ABCC4: variants seen among roughly 807,000 people sequenced by gnomAD.
The protein encoded by ABCC4 is ATP binding cassette subfamily C member 4 (PEL blood group).
In ABCC4, 102 loss-of-function variants were observed where a neutral mutation model predicts 168.5. The observed-to-expected ratio is 0.61, with a 90% confidence interval of 0.52 to 0.71. ABCC4 has a LOEUF of 0.71. ABCC4 is among the 30% of genes least tolerant of loss of function. The pLI, the probability that ABCC4 is intolerant of heterozygous loss-of-function variation, is 0.00. For synonymous variants in ABCC4, 617 were observed against 590.7 expected (o/e 1.04, Z -0.65); for missense variants, 1,402 against 1,605.8 (o/e 0.87, Z 2.17).
At chr13:95,162,512 T>C (rs2037131004) in intron 18 of ABCC4, among the ~76,000 whole-genome samples, 3 of 152,162 alleles carry the variant, frequency 2.0e-5, no homozygotes, top group Admixed American at 1.3e-4. Flanking sequence ...AATCACACAG[T>C]TGGGGACGCG....
Position 95,176,498 on chromosome 13 carries a change from A to T in ABCC4, c.1727+1209T>A, listed in dbSNP as rs189682111. 1.3e-4 allele frequency among the ~76,000 whole-genome samples: 20 copies of T among 152,228 alleles called. 1 individual carries two copies. The highest frequency in any genetic ancestry group is 1.2e-3 in the Admixed American group (18 of 15,292). Reference sequence around the variant, plus strand: ...CAACAGAGCGAGATCCTATCTAAAAAAAAAATAATAATAAAATAGATTGTC... The same window carrying T: ...CAACAGAGCGAGATCCTATCTAAAATAAAAATAATAATAAAATAGATTGTC... On this transcript the variant is annotated intron_variant, in intron 13 of 30. Coordinates refer to ENST00000645237, the MANE Select transcript of ABCC4 (RefSeq NM_005845.5).
At chr13:95,273,684 C>A (rs887138061) in intron 1 of ABCC4, among the ~76,000 whole-genome samples, 1 of 152,028 alleles carries the variant, frequency 6.6e-6, no homozygotes, top group Non-Finnish European at 1.5e-5. Context: ...CATCTTGTAG[C>A]TCCCACAGTT....
intron 27 of ABCC4, 133 bp downstream of exon 27, chr13:95,052,962 C>T: frequency 1.4e-6 from 1 of 718,368 alleles, no homozygotes; most frequent in South Asian, 1.8e-5. Flanking sequence ...TATCCACATC[C>T]TCAATGATCT....
intron 20 of ABCC4, among the ~76,000 whole-genome samples, chr13:95,091,448 T>A (rs2034431538): frequency 6.6e-6 from 1 of 152,218 alleles, no homozygotes. Flanking sequence ...AGCAGATTTC[T>A]CAGCAGAAAC....
chr13:95,251,091 A>G (rs1434325849), intron 1 of ABCC4, among the ~76,000 whole-genome samples: 1 of 152,124 alleles, frequency 6.6e-6, no homozygotes, highest in African/African-American at 2.4e-5. Context: ...CTTGGCCAAT[A>G]GTGGTTTCTT....
intron 8 of ABCC4, among the ~76,000 whole-genome samples, chr13:95,204,977 G>A (rs114041740): frequency 1.9e-3 from 288 of 152,176 alleles, no homozygotes; most frequent in African/African-American, 6.5e-3. Flanking sequence ...TGGCCCTTCC[G>A]TCTGAAAAAG....
intron 19 of ABCC4, among the ~76,000 whole-genome samples, chr13:95,159,010 G>A (rs1346951948): frequency 6.7e-6 from 1 of 149,206 alleles, no homozygotes; most frequent in African/African-American, 2.5e-5. Flanking sequence ...TTGAGCCCAG[G>A]AGGTCAAGGC....
chr13:95,172,473 A>C (rs1032669876), intron 13 of ABCC4, among the ~76,000 whole-genome samples: 2 of 151,352 alleles, frequency 1.3e-5, no homozygotes, highest in South Asian at 4.2e-4. Flanking sequence ...CGGCTGGCTG[A>C]GGCACAAGAA....
chr13:95,274,348 G>A (rs967085228), intron 1 of ABCC4, among the ~76,000 whole-genome samples: 3 of 152,146 alleles, frequency 2.0e-5, no homozygotes, highest in African/African-American at 7.2e-5. Context: ...AGAACCAGAA[G>A]GGCCCAGCCA....
chr13:95,253,507 G>A (rs745530878), intron 1 of ABCC4, among the ~76,000 whole-genome samples: 11 of 152,042 alleles, frequency 7.2e-5, no homozygotes, highest in Non-Finnish European at 1.5e-4. Context: ...CACTTTGGGA[G>A]GCCGAGACAG....
At chr13:95,297,546 C>T (rs1314842068) in intron 1 of ABCC4, among the ~76,000 whole-genome samples, 2 of 152,160 alleles carry the variant, frequency 1.3e-5, no homozygotes, top group Non-Finnish European at 2.9e-5. Context: ...AGCAGTTTTT[C>T]CCTACAAGGT....
chr13:95,245,526 A>G (rs1293799605), intron 3 of ABCC4, among the ~76,000 whole-genome samples: 3 of 152,214 alleles, frequency 2.0e-5, no homozygotes, highest in Non-Finnish European at 4.4e-5. Flanking sequence ...ACCCCAGCAC[A>G]GGTTGAAGAG....
At chr13:95,032,348 A>G (rs1366347956) in intron 30 of ABCC4, among the ~76,000 whole-genome samples, 1 of 152,182 alleles carries the variant, frequency 6.6e-6, no homozygotes, top group Non-Finnish European at 1.5e-5. Flanking sequence ...CATCATCATC[A>G]TCATTGCCAT....
intron 19 of ABCC4, among the ~76,000 whole-genome samples, chr13:95,159,688 T>C (rs1453321504): frequency 6.6e-6 from 1 of 152,214 alleles, no homozygotes; most frequent in Non-Finnish European, 1.5e-5. Flanking sequence ...GCAGAGGTCC[T>C]CCAATGACTT....
Position 95,166,269 on chromosome 13 carries a change from AGG to A in ABCC4, c.1921_1922del (p.Pro641SerfsTer25). The part of the protein sequence containing the change: ...LKKDNEESEQ[P>X]PVPGTPTLRN... ...TTAGTGTGGGAGTTCCTGGAACTGG[AGG>A]TTGTTCACTTTCCTCATTATCCTTC... is the stretch of plus-strand genomic sequence containing the variant. On this transcript the variant is annotated frameshift_variant, in exon 15 of 31. Transcript: ENST00000645237. LOFTEE classifies it high-confidence loss of function. 2 of 1,614,134 alleles carry A rather than the reference AGG, an allele frequency of 1.2e-6. No homozygotes were observed. Among genetic ancestry groups the A allele is most frequent in the Non-Finnish European group, 1.7e-6 (2 of 1,179,990 alleles).
intron 19 of ABCC4, among the ~76,000 whole-genome samples, chr13:95,159,097 A>ATATATATATG (rs1206917089): frequency 4.9e-4 from 28 of 56,582 alleles, no homozygotes; most frequent in African/African-American, 4.0e-3. Flanking sequence ...TAAATTTTAT[A>ATATATATATG]TATATATATA....
chr13:95,078,546 T>C (rs1618738), intron 21 of ABCC4, among the ~76,000 whole-genome samples: 97,993 of 152,144 alleles, frequency 0.64, 33,274 homozygotes, highest in South Asian at 0.79. Flanking sequence ...GACATGACCG[T>C]AAGAGGACTG....
At chr13:95,204,397 C>G (rs1007675413) in intron 8 of ABCC4, among the ~76,000 whole-genome samples, 1 of 152,094 alleles carries the variant, frequency 6.6e-6, no homozygotes, top group Non-Finnish European at 1.5e-5. Flanking sequence ...ATAATCCTCA[C>G]GTGTCAAGGG....
chr13:95,278,114 GGTTA>G (rs2041017057), intron 1 of ABCC4, among the ~76,000 whole-genome samples: 1 of 110,032 alleles, frequency 9.1e-6, no homozygotes, highest in African/African-American at 3.3e-5. Flanking sequence ...ATAAAGCACA[GGTTA>G]CAGGTTATTT....
Sources: allele counts gnomAD v4.1 joint callset (sites outside exome capture counted in the v4.1 genomes callset), GRCh38; gene constraint gnomAD v4.1.1; transcripts MANE v1.5; gene names NCBI Gene and HGNC (gene_info 2026-07-23, HGNC 2026-07-21).